The following PTPRG variants were observed in gnomAD, a reference collection of about 807,000 sequenced individuals.
PTPRG encodes the protein protein tyrosine phosphatase receptor type G, also known as receptor-type tyrosine-protein phosphatase gamma.
A neutral mutation model predicts 165.3 loss-of-function variants in PTPRG; 102 were observed. The ratio of observed to expected loss-of-function variants is 0.62; its 90% CI spans 0.53 to 0.73. The LOEUF (loss-of-function observed/expected upper bound fraction) is 0.73. Ranked by LOEUF, PTPRG falls within the 30% of genes least tolerant of loss-of-function variation. The pLI is 0.00. For synonymous variants in PTPRG, 675 were observed against 669.5 expected (o/e 1.01, Z -0.13); for missense variants, 1,866 against 1,861.4 (o/e 1.00, Z -0.05).
At chr3:62,187,829 G>A (rs1464125236) in intron 8 of PTPRG, among the ~76,000 whole-genome samples, 1 of 152,160 alleles carries the variant, frequency 6.6e-6, no homozygotes, top group Non-Finnish European at 1.5e-5. Flanking sequence ...CAAAGCCCTG[G>A]CCTCATGCTC....
intron 1 of PTPRG, among the ~76,000 whole-genome samples, chr3:61,566,741 A>G (rs1476543599): frequency 6.6e-6 from 1 of 152,192 alleles, no homozygotes; most frequent in African/African-American, 2.4e-5. Flanking sequence ...TCCTGACCTC[A>G]GGTGCTCTGC....
chr3:62,231,334 T>A, intron 14 of PTPRG, 23 bp downstream of exon 14: 1 of 1,532,090 alleles, frequency 6.5e-7, no homozygotes, highest in Non-Finnish European at 8.8e-7. Context: ...CAAGCTTAAG[T>A]GGGGGGCGTC....
intron 2 of PTPRG, among the ~76,000 whole-genome samples, chr3:61,947,630 G>A (rs2039793066): frequency 6.6e-6 from 1 of 152,184 alleles, no homozygotes; most frequent in Non-Finnish European, 1.5e-5. Context: ...GAAAAGTCTG[G>A]GGCTGGTTCT....
chr3:61,668,129 C>T (rs1316804488), intron 1 of PTPRG, among the ~76,000 whole-genome samples: 2 of 152,308 alleles, frequency 1.3e-5, no homozygotes, highest in East Asian at 1.9e-4. Flanking sequence ...TCTGCCTACC[C>T]ATACAGAAGA....
intron 2 of PTPRG, among the ~76,000 whole-genome samples, chr3:61,840,782 G>GTTTTTTTTT (rs149041037): frequency 5.8e-5 from 7 of 120,106 alleles, no homozygotes; most frequent in African/African-American, 9.5e-5. Flanking sequence ...TTGTTTGTTT[G>GTTTTTTTTT]TTTTTTTTTT....
Position 62,204,024 on chromosome 3 carries a change from C to T in PTPRG, c.2155+74C>T, listed in dbSNP as rs983728707. On this transcript the variant is annotated intron_variant, in intron 12 of 29. Coordinates refer to ENST00000474889, the MANE Select transcript of PTPRG (RefSeq NM_002841.4). ...GTACCCTTTTTCAAAAAATTGGGAG[C>T]AGAAGGTGAAGCTTCAGAAGGTACT... 2.0e-6 allele frequency: 3 copies of T among 1,495,078 alleles called. No homozygotes were observed. The African/African-American group carries it at 4.2e-5, about 21-fold the overall frequency. 92.6% of individuals were successfully genotyped at this position (1,495,078 alleles called of 1,614,324 possible). A position where few individuals can be genotyped will look rare whatever the true frequency, so the allele number is the denominator to read the frequency against.
At chr3:62,033,645 A>G (rs1699847147) in intron 4 of PTPRG, among the ~76,000 whole-genome samples, 1 of 151,544 alleles carries the variant, frequency 6.6e-6, no homozygotes, top group Non-Finnish European at 1.5e-5. Context: ...GATGACAGGC[A>G]TGAGCCACCA....
chr3:61,664,576 C>G (rs1481461000), intron 1 of PTPRG, among the ~76,000 whole-genome samples: 1 of 152,198 alleles, frequency 6.6e-6, no homozygotes, highest in African/African-American at 2.4e-5. Flanking sequence ...CACATGTAAT[C>G]CCAGCACTTT....
At chr3:61,738,976 TTTTTTTTTTTTTTTG>T (rs1213457641) in intron 1 of PTPRG, among the ~76,000 whole-genome samples, 13 of 75,002 alleles carry the variant, frequency 1.7e-4, no homozygotes, top group Admixed American at 2.8e-4. Context: ...TGTTGCTTTT[TTTTTTTTTTTTTTTG>T]TTTTTTTTTT....
At chr3:61,629,414 A>G (rs915968184) in intron 1 of PTPRG, among the ~76,000 whole-genome samples, 14 of 152,154 alleles carry the variant, frequency 9.2e-5, no homozygotes, top group Non-Finnish European at 1.8e-4. Flanking sequence ...TTGGTCTCCT[A>G]AAGTGCCGAG....
intron 12 of PTPRG, among the ~76,000 whole-genome samples, chr3:62,207,512 A>G (rs1166483897): frequency 6.6e-6 from 1 of 152,132 alleles, no homozygotes; most frequent in East Asian, 1.9e-4. Context: ...TTTTAATGTT[A>G]GTGATTTATT....
At chr3:61,951,775 A>C (rs2107624906) in intron 2 of PTPRG, among the ~76,000 whole-genome samples, 1 of 152,274 alleles carries the variant, frequency 6.6e-6, no homozygotes, top group Middle Eastern at 3.4e-3. Context: ...GATTCTGTGA[A>C]GTGCTCTTTT....
intron 4 of PTPRG, among the ~76,000 whole-genome samples, chr3:62,059,987 T>C (rs1036371194): frequency 6.6e-6 from 1 of 152,130 alleles, no homozygotes; most frequent in Non-Finnish European, 1.5e-5. Context: ...CTTTCCTTTA[T>C]AAATTACCAG....
At chr3:61,950,477 G>C (rs909454312) in intron 2 of PTPRG, among the ~76,000 whole-genome samples, 23 of 152,186 alleles carry the variant, frequency 1.5e-4, no homozygotes, top group African/African-American at 4.6e-4. Flanking sequence ...TAAATGGTAG[G>C]TTTCAGAGGG....
chr3:61,647,698 A>C (rs1160112622), intron 1 of PTPRG, among the ~76,000 whole-genome samples: 3 of 146,004 alleles, frequency 2.1e-5, no homozygotes, highest in Non-Finnish European at 4.5e-5. Flanking sequence ...AGGCTGAGGC[A>C]GAAGAATGGT....
At chr3:62,053,128 C>G (rs1700516559) in intron 4 of PTPRG, among the ~76,000 whole-genome samples, 1 of 152,012 alleles carries the variant, frequency 6.6e-6, no homozygotes. Flanking sequence ...AAGGATACAT[C>G]AAACTCTTGA....
At chr3:61,655,253 C>G (rs1465693316) in intron 1 of PTPRG, among the ~76,000 whole-genome samples, 1 of 152,162 alleles carries the variant, frequency 6.6e-6, no homozygotes, top group African/African-American at 2.4e-5. Flanking sequence ...ATGATTTCCT[C>G]TCTCTTCTTT....
At chr3:61,946,703 T>G (rs2039767454) in intron 2 of PTPRG, among the ~76,000 whole-genome samples, 1 of 152,268 alleles carries the variant, frequency 6.6e-6, no homozygotes. Flanking sequence ...TAGTGTCGCT[T>G]TCTGCATCAG....
At chr3:62,153,937 T>C (rs945548072) in intron 6 of PTPRG, among the ~76,000 whole-genome samples, 7 of 152,212 alleles carry the variant, frequency 4.6e-5, no homozygotes, top group Non-Finnish European at 8.8e-5. Context: ...AATGATGTTT[T>C]CTGCTCTCCA....
Sources: allele counts gnomAD v4.1 joint callset (sites outside exome capture counted in the v4.1 genomes callset), GRCh38; gene constraint gnomAD v4.1.1; transcripts MANE v1.5; gene names NCBI Gene and HGNC (gene_info 2026-07-23, HGNC 2026-07-21).